The following MAP3K4 variants were observed in gnomAD, a reference collection of about 807,000 sequenced individuals.
MAP3K4 encodes MAP three kinase 1.
MAP3K4 carries 67 observed loss-of-function variants against 185.6 expected under a neutral mutation model. The observed-to-expected ratio is 0.36, with a 90% CI of 0.30 to 0.44. The LOEUF (loss-of-function observed/expected upper bound fraction) is 0.44. Among genes scored for constraint, MAP3K4 ranks in the 20% least tolerant of loss-of-function variants. The pLI is 1.00. For missense variants in MAP3K4, 1,551 were observed against 1,995.1 expected, an observed-to-expected ratio of 0.78 and a Z score of 4.24; for synonymous variants, 702 against 710.4, an observed-to-expected ratio of 0.99 and a Z score of 0.19.
In MAP3K4 at chr6:161,073,450, G is replaced by A. The variant is rs1785038075; in HGVS notation, c.1951-16G>A. The A allele has an allele frequency of 6.4e-7, 1 of 1,573,822 alleles. No individual in the cohort carries two copies. The highest frequency in any genetic ancestry group is 1.2e-5 in the South Asian group (1 of 85,628). On this transcript the variant is annotated splice_polypyrimidine_tract_variant and intron_variant, in intron 4 of 26. Transcript: ENST00000392142. This position sits in a 1 kb window ranked among gnomAD's most constrained non-coding sequence, Gnocchi z 4.2. ...GGAGTTTATGGCTGCTGGAACCTGT[G>A]TGTGTTGTTTTGCAGCTGGTGAGAG...
intron 1 of MAP3K4, among the ~76,000 whole-genome samples, chr6:161,004,297 ACT>A (rs1442652745): frequency 2.0e-5 from 3 of 152,242 alleles, no homozygotes; most frequent in Non-Finnish European, 2.9e-5. Context: ...TAGCACCAGG[ACT>A]CTGATAAATA....
At position 161,087,615 on chromosome 6, in the gene MAP3K4, C is replaced by T. The variant is rs1446882238; in HGVS notation, c.2557-73C>T. 5.3e-6 allele frequency: 8 copies of T among 1,512,518 alleles called. No homozygotes were observed. The highest frequency in any genetic ancestry group is 7.3e-6 in the Non-Finnish European group (8 of 1,102,830). The allele number at this position is 1,512,518 out of a possible 1,614,324, so 93.7% of individuals were successfully genotyped here. A position where few individuals can be genotyped will look rare whatever the true frequency, so the allele number is the denominator to read the frequency against. On this transcript the variant is annotated intron_variant, in intron 9 of 26. Transcript: ENST00000392142. The surrounding 1 kb of genome is among the most constrained non-coding windows in gnomAD (Gnocchi z 4.9). ...CTTTCCCAAACCTGCCTCTCCTTTC[C>T]TAGGTTTGTTTTAAATAACCTATTT...
rs1174287321 is a variant in MAP3K4, at chr6:161,100,308, T to C, written c.3675-1584T>C. Reference sequence around the variant, plus strand: ...CCACGGGGAGGCAGAATGACACCAGTGTGTGCATCCCTGCCACAGCCATGG... The same window carrying C: ...CCACGGGGAGGCAGAATGACACCAGCGTGTGCATCCCTGCCACAGCCATGG... On this transcript the variant is annotated intron_variant, in intron 17 of 26. Coordinates refer to ENST00000392142, the MANE Select transcript of MAP3K4 (RefSeq NM_005922.4). This position sits in a 1 kb window ranked among gnomAD's most constrained non-coding sequence, Gnocchi z 5.8. 2.6e-5 allele frequency among the ~76,000 whole-genome samples: 4 copies of C among 152,218 alleles called. No individual in the cohort carries two copies. Among genetic ancestry groups the C allele is most frequent in the African/African-American group, 9.6e-5 (4 of 41,452 alleles).
rs766167051 is a variant in MAP3K4 at position 160,992,070 on chromosome 6, T to G, written c.139T>G (p.Cys47Gly). The change falls in exon 1 of 27, where the codon TGC becomes GGC. Residue 47 changes from cysteine (C) to glycine (G), a missense_variant. Physicochemically the swap from Cys to Gly is radical, Grantham distance 159. Around this residue, in one of 16 missense-constraint regions of MAP3K4, gnomAD observed 287 missense variants for 268.8 expected, o/e 1.07. Coordinates refer to ENST00000392142, the MANE Select transcript of MAP3K4 (RefSeq NM_005922.4). ...CGAGACCGAGTCAGAACCCGAGTGC[T>G]GCTTGGCGGCGAGGTGAGTGTGGCG... ...EPETESEPEC[C>G]LAARQEGTLG... 4 of 1,578,074 alleles carry G rather than the reference T, an allele frequency of 2.5e-6. No homozygotes were observed. The Admixed American group carries it at 5.2e-5, about 21-fold the overall frequency.
At chr6:161,031,604 C>T (rs1009504930) in intron 1 of MAP3K4, among the ~76,000 whole-genome samples, 1 of 152,182 alleles carries the variant, frequency 6.6e-6, no homozygotes, top group Non-Finnish European at 1.5e-5. Context: ...AGTCCCTCCT[C>T]ACAACAATTC....
At chr6:161,031,117 T>G (rs1378990339) in intron 1 of MAP3K4, among the ~76,000 whole-genome samples, 1 of 152,232 alleles carries the variant, frequency 6.6e-6, no homozygotes, top group African/African-American at 2.4e-5. Context: ...CTAGAATAAT[T>G]AGATAATTTA....
At chr6:161,025,917 T>C (rs1161353611) in intron 1 of MAP3K4, among the ~76,000 whole-genome samples, 1 of 152,238 alleles carries the variant, frequency 6.6e-6, no homozygotes, top group Admixed American at 6.5e-5. Context: ...AGACCTATGG[T>C]TCTCTTTAGT....
At position 161,022,424 on chromosome 6, in the gene MAP3K4, A is replaced by C. The variant is rs7756711; in HGVS notation, c.153-11835A>C. ...CCTTTATTTATAGCTGAGGAAATTT[A>C]GGATGGTTAAAAAGCTTCACCAAAG... is the stretch of plus-strand genomic sequence containing the variant. On this transcript the variant is annotated intron_variant, in intron 1 of 26. Transcript: ENST00000392142. The surrounding 1 kb of genome is among the most constrained non-coding windows in gnomAD (Gnocchi z 4.2). Among the ~76,000 whole-genome samples the C allele has an allele frequency of 6.6e-6, 1 of 152,026 alleles. No individual in the cohort carries two copies. Among genetic ancestry groups the C allele is most frequent in the Non-Finnish European group, 1.5e-5 (1 of 68,012 alleles).
chr6:161,028,128 A>T (rs1269788879), intron 1 of MAP3K4, among the ~76,000 whole-genome samples: 1 of 152,208 alleles, frequency 6.6e-6, no homozygotes, highest in Non-Finnish European at 1.5e-5. Context: ...TCAAGCGTAG[A>T]TATGCAGGTT....
Position 161,105,831 on chromosome 6 carries a change from G to T in MAP3K4, c.3857-683G>T, listed in dbSNP as rs1374861435. 7.5e-5 allele frequency among the ~76,000 whole-genome samples: 7 copies of T among 93,454 alleles called. No homozygotes were observed. In the South Asian group the frequency reaches 4.0e-3, roughly 53 times the overall value. The allele number at this position is 93,454 out of a possible 152,430, so 61.3% of individuals were successfully genotyped here. A position where few individuals can be genotyped will look rare whatever the true frequency, so the allele number is the denominator to read the frequency against. On this transcript the variant is annotated intron_variant, in intron 19 of 26. Coordinates refer to ENST00000392142, the MANE Select transcript of MAP3K4 (RefSeq NM_005922.4). ...GGAGAACCATGAACTAAGTTTTTTG[G>T]TTTTTTGTTTTTTTTTTTTTTTGAG...
At chr6:160,994,427 G>A (rs1201326051) in intron 1 of MAP3K4, among the ~76,000 whole-genome samples, 1 of 152,060 alleles carries the variant, frequency 6.6e-6, no homozygotes, top group African/African-American at 2.4e-5. Flanking sequence ...TAGAGTAATG[G>A]CCTCCAGCTC....
At chr6:161,068,657 A>C (rs1317484035) in intron 3 of MAP3K4, among the ~76,000 whole-genome samples, 1 of 152,226 alleles carries the variant, frequency 6.6e-6, no homozygotes, top group Non-Finnish European at 1.5e-5. Context: ...AAGCAGTTGA[A>C]GATCCACTGT....
At chr6:161,016,972 A>T (rs931206569) in intron 1 of MAP3K4, among the ~76,000 whole-genome samples, 1 of 152,168 alleles carries the variant, frequency 6.6e-6, no homozygotes, top group African/African-American at 2.4e-5. Context: ...TCTGTTTTTC[A>T]GCATTTTGTA....
At chr6:161,020,425 C>T (rs951352441) in intron 1 of MAP3K4, among the ~76,000 whole-genome samples, 2 of 151,922 alleles carry the variant, frequency 1.3e-5, no homozygotes, top group African/African-American at 4.8e-5. Flanking sequence ...TTTGGGAGGC[C>T]GAGGTGGGCA....
At position 161,037,748 on chromosome 6, in the gene MAP3K4, T is replaced by C. The variant is rs1783244802; in HGVS notation, c.343+3299T>C. Among the ~76,000 whole-genome samples the C allele has an allele frequency of 6.6e-6, 1 of 152,228 alleles. No individual in the cohort carries two copies. The highest frequency in any genetic ancestry group is 1.5e-5 in the Non-Finnish European group (1 of 68,048). On this transcript the variant is annotated intron_variant, in intron 2 of 26. Transcript: ENST00000392142. The surrounding 1 kb of genome is among the most constrained non-coding windows in gnomAD (Gnocchi z 4.2). The stretch of plus-strand genomic sequence containing the variant: ...GTCAGGATTTCTTCCCAACACTTAC[T>C]ACTTTTTTTCTTGACTTAAATCTTA...
At chr6:161,069,522 A>T (rs189024136) in intron 3 of MAP3K4, among the ~76,000 whole-genome samples, 111 of 152,252 alleles carry the variant, frequency 7.3e-4, no homozygotes, top group African/African-American at 2.6e-3. Flanking sequence ...AGACTAGGTC[A>T]TGGAGGGTCT....
chr6:161,035,952 A>G (rs1309416727), intron 2 of MAP3K4, among the ~76,000 whole-genome samples: 1 of 152,170 alleles, frequency 6.6e-6, no homozygotes, highest in African/African-American at 2.4e-5. Context: ...AAGGCTTGAG[A>G]TAGTGTCAGG....
intron 1 of MAP3K4, among the ~76,000 whole-genome samples, chr6:161,003,925 C>T: frequency 1.3e-5 from 1 of 76,682 alleles, no homozygotes; most frequent in South Asian, 4.4e-4. Flanking sequence ...ATGGAATATC[C>T]ACTCTTTCTT....
At position 161,088,652 on chromosome 6, in the gene MAP3K4, C is replaced by T. The variant is rs1409809483; in HGVS notation, c.2824-670C>T. On this transcript the variant is annotated intron_variant, in intron 10 of 26. Transcript: ENST00000392142. This position sits in a 1 kb window ranked among gnomAD's most constrained non-coding sequence, Gnocchi z 4.5. ...CCAGTTAATACCTTGCCCTGGAAAG[C>T]CAGAAGCATTTCCAGTAAATGATCC... Among the ~76,000 whole-genome samples the T allele has an allele frequency of 3.3e-5, 5 of 152,316 alleles. No individual in the cohort carries two copies. The East Asian group carries it at 9.7e-4, about 29-fold the overall frequency.
Sources: allele counts gnomAD v4.1 joint callset (sites outside exome capture counted in the v4.1 genomes callset), GRCh38; gene constraint gnomAD v4.1.1; regional missense constraint gnomAD v4.1.1; non-coding constraint Gnocchi (gnomAD v3.1); transcripts MANE v1.5; gene names NCBI Gene and HGNC (gene_info 2026-07-23, HGNC 2026-07-21).